LINGO2: variants seen among roughly 807,000 people sequenced by gnomAD.
LINGO2 encodes leucine rich repeat and Ig domain containing 2.
LINGO2 carries 14 observed loss-of-function variants against 30.6 expected under a neutral mutation model. That is an observed-to-expected ratio of 0.46 (90% confidence interval 0.30 to 0.72). The LOEUF (loss-of-function observed/expected upper bound fraction) is 0.72, where lower values mean the gene tolerates loss of function less well. LINGO2 is among the 30% of genes least tolerant of loss of function. The pLI, the probability that LINGO2 is intolerant of heterozygous loss-of-function variation, is 0.07. For missense variants in LINGO2, 729 were observed against 751.7 expected (o/e 0.97, Z 0.35); for synonymous variants, 317 against 288.5 (o/e 1.10, Z -1.00).
chr9:28,856,484 C>T, the LINGO2 span, among the ~76,000 whole-genome samples: 1 of 151,882 alleles, frequency 6.6e-6, no homozygotes, highest in South Asian at 2.1e-4. Flanking sequence ...TCTGGACTGT[C>T]CCCAGAGAAG....
the LINGO2 span, among the ~76,000 whole-genome samples, chr9:28,737,175 A>T: frequency 3.9e-5 from 6 of 152,198 alleles, no homozygotes; most frequent in African/African-American, 1.4e-4. Flanking sequence ...AAAAGGTCAT[A>T]AACAGACAGA....
chr9:28,165,960 C>T (rs1012271378), intron 4 of LINGO2, among the ~76,000 whole-genome samples: 19 of 152,146 alleles, frequency 1.2e-4, no homozygotes, highest in African/African-American at 4.6e-4. Flanking sequence ...TCGTATTTAC[C>T]AAACACAAAA....
the LINGO2 span, among the ~76,000 whole-genome samples, chr9:28,812,473 G>A: frequency 6.6e-6 from 1 of 152,086 alleles, no homozygotes; most frequent in Non-Finnish European, 1.5e-5. Context: ...AGAAATTCAG[G>A]TTTTCAAAAG....
chr9:28,703,259 T>C, the LINGO2 span, among the ~76,000 whole-genome samples: 1,620 of 152,046 alleles, frequency 0.011, 21 homozygotes, highest in African/African-American at 0.016. Context: ...TTTGAAATGC[T>C]ATATATTTCC....
At chr9:28,941,958 T>C in the LINGO2 span, among the ~76,000 whole-genome samples, 1 of 152,150 alleles carries the variant, frequency 6.6e-6, no homozygotes, top group African/African-American at 2.4e-5. Context: ...TCCCCCTTTA[T>C]TTCTTCCTTA....
At chr9:28,585,127 C>T (rs561933307) in intron 1 of LINGO2, among the ~76,000 whole-genome samples, 136 of 152,030 alleles carry the variant, frequency 8.9e-4, no homozygotes, top group African/African-American at 3.0e-3. Context: ...ACTCATAATT[C>T]GTTTCATGTA....
chr9:28,031,717 T>C (rs371676579), intron 4 of LINGO2, among the ~76,000 whole-genome samples: 7 of 152,336 alleles, frequency 4.6e-5, no homozygotes, highest in Admixed American at 1.3e-4. Flanking sequence ...TGTCCAGGGC[T>C]GATTGGGAAT....
At chr9:28,814,474 G>T in the LINGO2 span, among the ~76,000 whole-genome samples, 1 of 152,154 alleles carries the variant, frequency 6.6e-6, no homozygotes, top group Non-Finnish European at 1.5e-5. Context: ...CTGATGCCAT[G>T]TCTCTTGCCA....
At chr9:28,968,004 C>T in the LINGO2 span, among the ~76,000 whole-genome samples, 1 of 152,104 alleles carries the variant, frequency 6.6e-6, no homozygotes, top group Non-Finnish European at 1.5e-5. Context: ...GTCTTGCACA[C>T]CAAATTGAAC....
At chr9:28,968,338 T>A in the LINGO2 span, among the ~76,000 whole-genome samples, 1 of 152,152 alleles carries the variant, frequency 6.6e-6, no homozygotes, top group Non-Finnish European at 1.5e-5. Context: ...CCTGGATCCC[T>A]TTTATCCTGT....
Position 28,507,007 on chromosome 9 carries a change from G to C in LINGO2, c.-364-30982C>G, listed in dbSNP as rs180870102. On this transcript the variant is annotated intron_variant, in intron 1 of 5. Coordinates refer to ENST00000379992, the Ensembl canonical transcript of LINGO2. ...GTGTAATGGAAAGTTCACACAATTT[G>C]GAATTAAACAAAAAGTTTGAATCTT... Among the ~76,000 whole-genome samples, 10 of 152,128 alleles carry C rather than the reference G, an allele frequency of 6.6e-5. No homozygotes were observed. In the East Asian group the frequency reaches 1.9e-3, roughly 29 times the overall value.
intron 4 of LINGO2, among the ~76,000 whole-genome samples, chr9:28,255,678 T>A (rs1245523105): frequency 6.6e-6 from 1 of 152,142 alleles, no homozygotes; most frequent in Non-Finnish European, 1.5e-5. Context: ...TAAACATTCA[T>A]CTTTGACTTA....
chr9:28,615,205 T>A (rs1563865623), intron 1 of LINGO2, among the ~76,000 whole-genome samples: 1 of 152,160 alleles, frequency 6.6e-6, no homozygotes, highest in Non-Finnish European at 1.5e-5. Flanking sequence ...TAGAATATCT[T>A]GGTCATTGAT....
rs371404214 is a variant in LINGO2 at position 28,061,915 on chromosome 9, G to T, written c.-86-49510C>A. On this transcript the variant is annotated intron_variant, in intron 4 of 5. Coordinates refer to ENST00000379992, the Ensembl canonical transcript of LINGO2. ...AGTGTTATAAGAATTGAAATCAGAA[G>T]TTCCATATGATGCATTTTTCACAGT... is the stretch of plus-strand genomic sequence containing the variant. Among the ~76,000 whole-genome samples, 99 of 152,154 alleles carry T rather than the reference G, an allele frequency of 6.5e-4. 1 individual carries two copies. In the South Asian group the frequency reaches 0.019, roughly 30 times the overall value.
At chr9:28,931,572 T>C in the LINGO2 span, among the ~76,000 whole-genome samples, 1 of 152,178 alleles carries the variant, frequency 6.6e-6, no homozygotes, top group Non-Finnish European at 1.5e-5. Flanking sequence ...TACAACATGT[T>C]TTGTCAATTA....
intron 4 of LINGO2, among the ~76,000 whole-genome samples, chr9:28,258,979 C>T (rs1247179366): frequency 4.0e-5 from 6 of 150,840 alleles, no homozygotes; most frequent in Non-Finnish European, 5.9e-5. Context: ...GGTCCCATAC[C>T]AACTTTATTT....
At chr9:28,196,115 C>A (rs987879088) in intron 4 of LINGO2, among the ~76,000 whole-genome samples, 1 of 151,458 alleles carries the variant, frequency 6.6e-6, no homozygotes, top group African/African-American at 2.4e-5. Flanking sequence ...TTGACAAAAT[C>A]TCTTAAAATC....
intron 1 of LINGO2, among the ~76,000 whole-genome samples, chr9:28,501,277 C>T (rs1345436133): frequency 1.3e-5 from 2 of 152,072 alleles, no homozygotes; most frequent in East Asian, 1.9e-4. Flanking sequence ...CAGCATGCTG[C>T]GTTCTTTGTT....
At chr9:28,893,742 G>A in the LINGO2 span, among the ~76,000 whole-genome samples, 1 of 151,324 alleles carries the variant, frequency 6.6e-6, no homozygotes, top group Admixed American at 6.6e-5. Context: ...TTTTTTTAAT[G>A]GTTTGATTTT....
Sources: gnomAD v4.1 joint callset for allele counts (sites outside exome capture counted in the v4.1 genomes callset) on GRCh38, gnomAD v4.1.1 for gene constraint, MANE v1.5 for transcripts, NCBI Gene and HGNC (gene_info 2026-07-23, HGNC 2026-07-21) for gene names.